MYO9A: variants seen among roughly 807,000 people sequenced by gnomAD.
The protein encoded by MYO9A is myosin IXA.
In MYO9A, 103 loss-of-function variants were observed where a neutral mutation model predicts 293.3. The observed-to-expected ratio is 0.35, with a 90% CI of 0.30 to 0.41. The LOEUF is 0.41. MYO9A is among the 10% of genes least tolerant of loss of function. The pLI, the probability that MYO9A is intolerant of heterozygous loss-of-function variation, is 1.00. For synonymous variants in MYO9A, 1,001 were observed against 1,035.7 expected (o/e 0.97, Z 0.64); for missense variants, 2,685 against 3,033.0 (o/e 0.89, Z 2.69).
intron 15 of MYO9A, 95 bp from the exon 16 acceptor site, chr15:71,939,022 G>A (rs2058705055): frequency 1.2e-5 from 10 of 854,614 alleles, no homozygotes; most frequent in Admixed American, 2.5e-5. Flanking sequence ...ATTTAATCAC[G>A]AGTATTTGCT....
chr15:72,045,193 A>T (rs1029362932), intron 2 of MYO9A: 1 of 152,268 alleles, frequency 6.6e-6, no homozygotes, highest in African/African-American at 2.4e-5. Context: ...ATAGCTTCTC[A>T]GCCTTTTGGC....
In MYO9A at chr15:72,046,120, A is replaced by G. The variant is rs199763831; in HGVS notation, c.444T>C (p.Phe148=). 3 of 1,614,156 alleles carry G rather than the reference A, an allele frequency of 1.9e-6. No individual in the cohort carries two copies. Among genetic ancestry groups the G allele is most frequent in the East Asian group, 2.2e-5 (1 of 44,878 alleles). The change falls in exon 2 of 42, where the codon TTT becomes TTC. Residue 148 remains phenylalanine, a synonymous_variant. Transcript: ENST00000356056. ...GFLPQPQQKD[F]DDLCSLPDLN... ...AATCAGGTAAACTACATAAATCATC[A>G]AAGTCTTTCTGTTGAGGCTGTGGAA...
intron 32 of MYO9A, among the ~76,000 whole-genome samples, chr15:71,866,583 A>G (rs1056243402): frequency 2.0e-5 from 3 of 152,118 alleles, no homozygotes; most frequent in Non-Finnish European, 4.4e-5. Flanking sequence ...AGGACACAAA[A>G]ATAGACTTAA....
At position 71,862,535 on chromosome 15, in the gene MYO9A, AAAG is replaced by A. The variant is rs1245376942; in HGVS notation, c.6053_6055del (p.Ser2018del). On this transcript the variant is annotated inframe_deletion, in exon 33 of 42. Transcript: ENST00000356056. The stretch of plus-strand genomic sequence containing the variant: ...AGAGGCTCGGTCCATTATCCATATC[AAAG>A]AAGAACAGTATTCACAGTATGTAGG... The A allele has an allele frequency of 1.2e-6, 2 of 1,612,544 alleles. No homozygotes were observed. Among genetic ancestry groups the A allele is most frequent in the Non-Finnish European group, 1.7e-6 (2 of 1,178,680 alleles).
At chr15:72,063,298 G>C (rs549332028) in intron 1 of MYO9A, among the ~76,000 whole-genome samples, 130 of 152,276 alleles carry the variant, frequency 8.5e-4, no homozygotes, top group African/African-American at 3.0e-3. Context: ...TCAAACCACT[G>C]AAAGAAAACA....
intron 19 of MYO9A, among the ~76,000 whole-genome samples, chr15:71,906,754 C>CTTTTTTTTTTTTT (rs1246782944): frequency 2.4e-5 from 1 of 40,938 alleles, no homozygotes; most frequent in African/African-American, 7.5e-5. Context: ...ATATCCATTT[C>CTTTTTTTTTTTTT]TTTCTTTTTT....
intron 1 of MYO9A, among the ~76,000 whole-genome samples, chr15:72,097,118 G>A (rs1268047871): frequency 1.3e-5 from 2 of 152,190 alleles, no homozygotes; most frequent in African/African-American, 4.8e-5. Context: ...CAGGGTTTGA[G>A]AAGACTGACT....
intron 1 of MYO9A, among the ~76,000 whole-genome samples, chr15:72,081,734 G>A (rs1005524573): frequency 6.6e-6 from 1 of 152,106 alleles, no homozygotes; most frequent in African/African-American, 2.4e-5. Flanking sequence ...GTGAAAGGAA[G>A]GCATCGTTTC....
At chr15:71,972,778 G>A (rs2076045647) in intron 12 of MYO9A, among the ~76,000 whole-genome samples, 1 of 152,156 alleles carries the variant, frequency 6.6e-6, no homozygotes, top group Non-Finnish European at 1.5e-5. Flanking sequence ...AAGGGTAGAA[G>A]ATGAGAAACC....
chr15:71,927,027 G>A (rs1340007941), intron 18 of MYO9A, among the ~76,000 whole-genome samples: 14 of 152,056 alleles, frequency 9.2e-5, no homozygotes, highest in Non-Finnish European at 2.1e-4. Flanking sequence ...CATCATGGGG[G>A]TGGCATTGGC....
chr15:71,867,075 A>AACACACACACAC (rs35264363), intron 32 of MYO9A, among the ~76,000 whole-genome samples: 157 of 148,096 alleles, frequency 1.1e-3, no homozygotes, highest in African/African-American at 3.6e-3. Context: ...CAAAAAACAA[A>AACACACACACAC]ACACACACAC....
chr15:71,852,489 G>A, intron 35 of MYO9A: 2 of 288,268 alleles, frequency 6.9e-6, no homozygotes, highest in Non-Finnish European at 1.3e-5. Context: ...TCAGCCTCCG[G>A]AGTAGCTGGG....
At chr15:71,934,795 T>C (rs1174311995) in intron 17 of MYO9A, among the ~76,000 whole-genome samples, 6 of 139,092 alleles carry the variant, frequency 4.3e-5, no homozygotes, top group African/African-American at 8.0e-5. Context: ...TCTTTTTTTT[T>C]TTTTTTTTTT....
chr15:71,877,687 A>T (rs2142354418), intron 31 of MYO9A, among the ~76,000 whole-genome samples: 1 of 152,186 alleles, frequency 6.6e-6, no homozygotes, highest in South Asian at 2.1e-4. Flanking sequence ...CGAACTCCTG[A>T]TTTCAAGTTC....
At chr15:72,000,450 TCTCA>T (rs2076831099) in intron 8 of MYO9A, among the ~76,000 whole-genome samples, 1 of 152,190 alleles carries the variant, frequency 6.6e-6, no homozygotes. Context: ...CTTCCTTTGT[TCTCA>T]CTCTCTCCCC....
chr15:72,058,180 A>G (rs944245028), intron 1 of MYO9A, among the ~76,000 whole-genome samples: 3 of 152,248 alleles, frequency 2.0e-5, no homozygotes, highest in Non-Finnish European at 2.9e-5. Flanking sequence ...TTAAGCAAAC[A>G]TGAATAGTGG....
intron 1 of MYO9A, among the ~76,000 whole-genome samples, chr15:72,057,345 A>T (rs548198811): frequency 2.6e-5 from 4 of 152,338 alleles, no homozygotes; most frequent in African/African-American, 4.8e-5. Context: ...CTATGAAAAT[A>T]AAAAATAAAA....
chr15:71,908,261 A>G lies in MYO9A; in HGVS notation c.2686-3255T>C, dbSNP rs575163755. Among the ~76,000 whole-genome samples the G allele has an allele frequency of 6.6e-5, 10 of 152,264 alleles. No homozygotes were observed. The East Asian group carries it at 7.7e-4, about 12-fold the overall frequency. On this transcript the variant is annotated intron_variant, in intron 19 of 41. Coordinates refer to ENST00000356056, the MANE Select transcript of MYO9A (RefSeq NM_006901.4). Reference sequence around the variant, plus strand: ...TCAAAGATCAGATAGTTGTAGATATACAGCGTTATTTCTGAGGGCTCTGTT... The same window carrying G: ...TCAAAGATCAGATAGTTGTAGATATGCAGCGTTATTTCTGAGGGCTCTGTT...
chr15:71,922,724 A>G (rs12906711), intron 18 of MYO9A, among the ~76,000 whole-genome samples: 30,717 of 152,116 alleles, frequency 0.2, 3,332 homozygotes, highest in East Asian at 0.41. Flanking sequence ...ATGACATTTT[A>G]ATTTTAATTA....
Sources: gnomAD v4.1 joint callset for allele counts (sites outside exome capture counted in the v4.1 genomes callset) on GRCh38, gnomAD v4.1.1 for gene constraint, MANE v1.5 for transcripts, NCBI Gene and HGNC (gene_info 2026-07-23, HGNC 2026-07-21) for gene names.